DDX10: variants seen among roughly 807,000 people sequenced by gnomAD.
DDX10 encodes the protein probable ATP-dependent RNA helicase DDX10.
Under a neutral mutation model 104.3 loss-of-function variants are expected in DDX10, and 74 were observed. The ratio of observed to expected loss-of-function variants is 0.71; its 90% confidence interval spans 0.59 to 0.86. DDX10 has a LOEUF of 0.86. Ranked by LOEUF, DDX10 falls within the 40% of genes least tolerant of loss-of-function variation. The pLI is 0.00. For synonymous variants in DDX10, 351 were observed against 353.4 expected, an observed-to-expected ratio of 0.99 and a Z score of 0.08; for missense variants, 952 against 1,040.0, an observed-to-expected ratio of 0.92 and a Z score of 1.16.
chr11:108,731,519 T>TA, intron 13 of DDX10, among the ~76,000 whole-genome samples: 1 of 151,186 alleles, frequency 6.6e-6, no homozygotes, highest in Admixed American at 6.6e-5. Context: ...TGGGTTTCTT[T>TA]TTTTTTTTTT....
At chr11:108,776,262 G>T (rs1282092262) in intron 13 of DDX10, among the ~76,000 whole-genome samples, 2 of 152,166 alleles carry the variant, frequency 1.3e-5, no homozygotes, top group East Asian at 3.9e-4. Flanking sequence ...TCTTCGAACT[G>T]TTATTTCTAT....
intron 13 of DDX10, among the ~76,000 whole-genome samples, chr11:108,808,197 G>T (rs1462739094): frequency 6.6e-6 from 1 of 152,144 alleles, no homozygotes; most frequent in African/African-American, 2.4e-5. Flanking sequence ...TCAATGATGG[G>T]AATTTGCGGA....
chr11:108,665,802 G>C (rs1258295630), intron 1 of DDX10, among the ~76,000 whole-genome samples: 1 of 152,162 alleles, frequency 6.6e-6, no homozygotes, highest in South Asian at 2.1e-4. Flanking sequence ...GGAATTGGAA[G>C]CTAGATCCAT....
chr11:108,863,710 C>A (rs998364999), intron 16 of DDX10, among the ~76,000 whole-genome samples: 2 of 152,082 alleles, frequency 1.3e-5, no homozygotes, highest in Non-Finnish European at 2.9e-5. Context: ...GATTTTTGCC[C>A]CACTCAGTAG....
chr11:108,677,346 C>A (rs2094227030), intron 4 of DDX10, 103 bp downstream of exon 4: 4 of 1,062,434 alleles, frequency 3.8e-6, no homozygotes, highest in Non-Finnish European at 5.4e-6. Context: ...AACAGACTGA[C>A]CTAGACCAGG....
At chr11:108,812,685 T>TA (rs1226007593) in intron 13 of DDX10, among the ~76,000 whole-genome samples, 9 of 151,868 alleles carry the variant, frequency 5.9e-5, no homozygotes, top group East Asian at 1.9e-4. Context: ...AAAAAAGCCA[T>TA]AAAAAAATGC....
intron 13 of DDX10, among the ~76,000 whole-genome samples, chr11:108,794,816 TTTTC>T (rs1349239919): frequency 6.6e-6 from 1 of 151,964 alleles, no homozygotes; most frequent in Non-Finnish European, 1.5e-5. Flanking sequence ...CCCTATAGTT[TTTTC>T]TCTCTCTCTC....
At chr11:108,910,795 GTGTGTC>G (rs769554296) in intron 16 of DDX10, among the ~76,000 whole-genome samples, 1,484 of 145,904 alleles carry the variant, frequency 0.01, 24 homozygotes, top group African/African-American at 0.036. Flanking sequence ...GTGTGTCTGT[GTGTGTC>G]TGTGTCTGTG....
At chr11:108,826,806 A>G (rs906262391) in intron 13 of DDX10, among the ~76,000 whole-genome samples, 9 of 152,158 alleles carry the variant, frequency 5.9e-5, no homozygotes, top group Non-Finnish European at 1.2e-4. Flanking sequence ...CTGAAGCTCT[A>G]ATTCATTGGC....
intron 16 of DDX10, among the ~76,000 whole-genome samples, chr11:108,868,966 C>CTTTTTTTTTTTTTT (rs36048300): frequency 1.5e-5 from 2 of 137,134 alleles, no homozygotes; most frequent in Non-Finnish European, 3.1e-5. Flanking sequence ...AAGAATTAAG[C>CTTTTTTTTTTTTTT]TTTTTTTTTT....
At chr11:108,890,378 A>AT (rs1355224465) in intron 16 of DDX10, among the ~76,000 whole-genome samples, 3 of 152,138 alleles carry the variant, frequency 2.0e-5, no homozygotes, top group Admixed American at 2.0e-4. Flanking sequence ...GGAATAACAA[A>AT]TGGTGTCTGT....
At chr11:108,725,654 C>T (rs1015464127) in intron 13 of DDX10, among the ~76,000 whole-genome samples, 8 of 151,990 alleles carry the variant, frequency 5.3e-5, no homozygotes, top group African/African-American at 1.7e-4. Context: ...AATTGTGTTG[C>T]CTTAGTAAGT....
intron 16 of DDX10, among the ~76,000 whole-genome samples, chr11:108,855,009 A>C (rs1357958082): frequency 1.3e-5 from 2 of 152,202 alleles, no homozygotes; most frequent in African/African-American, 2.4e-5. Flanking sequence ...TGGAAGATAA[A>C]TACGAAGCTG....
rs117921753 is a variant in DDX10 at position 108,678,830 on chromosome 11, G to A, written c.658+395G>A. Among the ~76,000 whole-genome samples the A allele has an allele frequency of 1.6e-3, 231 of 147,812 alleles. 3 individuals carry two copies. The East Asian group carries it at 0.041, about 26-fold the overall frequency. ...ATTTTTGATTTGTAGGAAAGTTGCA[G>A]TGGAGAGTTCCTGCATTATCCTTCA... On this transcript the variant is annotated intron_variant, in intron 5 of 17. Coordinates refer to ENST00000322536, the MANE Select transcript of DDX10 (RefSeq NM_004398.4).
intron 6 of DDX10, among the ~76,000 whole-genome samples, chr11:108,682,293 C>T (rs1366507798): frequency 6.6e-6 from 1 of 152,014 alleles, no homozygotes; most frequent in Non-Finnish European, 1.5e-5. Flanking sequence ...TGAGTAAAGA[C>T]GGGGTTTCAC....
intron 13 of DDX10, among the ~76,000 whole-genome samples, chr11:108,766,729 T>A (rs1302981797): frequency 2.0e-5 from 3 of 152,244 alleles, no homozygotes; most frequent in Middle Eastern, 6.8e-3. Context: ...TTAGGAAGGG[T>A]CATCTATTTC....
At chr11:108,854,748 G>A (rs1862842984) in intron 16 of DDX10, among the ~76,000 whole-genome samples, 1 of 152,000 alleles carries the variant, frequency 6.6e-6, no homozygotes, top group Admixed American at 6.6e-5. Flanking sequence ...TAATTTTGGG[G>A]AAAGTGCTTG....
At chr11:108,802,542 T>TA (rs765003558) in intron 13 of DDX10, among the ~76,000 whole-genome samples, 10 of 152,206 alleles carry the variant, frequency 6.6e-5, no homozygotes, top group Admixed American at 1.3e-4. Flanking sequence ...TTCCCTCAGA[T>TA]ACGTGCCATT....
chr11:108,745,485 G>A lies in DDX10; in HGVS notation c.1965+22023G>A, dbSNP rs367970452. 9.2e-5 allele frequency among the ~76,000 whole-genome samples: 14 copies of A among 152,026 alleles called. No homozygotes were observed. In the East Asian group the frequency reaches 2.5e-3, roughly 27 times the overall value. On this transcript the variant is annotated intron_variant, in intron 13 of 17. Coordinates refer to ENST00000322536, the MANE Select transcript of DDX10 (RefSeq NM_004398.4). ...TCAAACTCCTAGGCAGAAGCAATTC[G>A]CCTTGGCCTTCCAAAGTGTTAAGAT...
Sources: allele counts gnomAD v4.1 joint callset (sites outside exome capture counted in the v4.1 genomes callset), GRCh38; gene constraint gnomAD v4.1.1; transcripts MANE v1.5; gene names NCBI Gene and HGNC (gene_info 2026-07-23, HGNC 2026-07-21).